The following PTPRZ1 variants were observed in gnomAD, a reference collection of about 807,000 sequenced individuals.
PTPRZ1 encodes protein tyrosine phosphatase receptor type Z1.
Under a neutral mutation model 214.1 loss-of-function variants are expected in PTPRZ1, and 82 were observed. That is an observed-to-expected ratio of 0.38 (90% CI 0.32 to 0.46). The LOEUF (loss-of-function observed/expected upper bound fraction) is 0.46, where lower values mean the gene tolerates loss of function less well. PTPRZ1 is among the 20% of genes least tolerant of loss of function. The pLI is 1.00. For missense variants in PTPRZ1, 2,603 were observed against 2,748.7 expected (o/e 0.95, Z 1.19); for synonymous variants, 945 against 987.9 (o/e 0.96, Z 0.81).
In PTPRZ1 at chr7:121,873,414, A is replaced by G; in HGVS notation, c.-86A>G. ...CACTGGAGGATTAAAACAAACAAAC[A>G]AAAAAAACATTTCCTTCGCTCCCCC... is the stretch of plus-strand genomic sequence containing the variant. On this transcript the variant is annotated 5_prime_UTR_variant, in exon 1 of 30. Transcript: ENST00000393386. 4 of 1,382,288 alleles carry G rather than the reference A, an allele frequency of 2.9e-6. No individual in the cohort carries two copies. The highest frequency in any genetic ancestry group is 1.4e-5 in the African/African-American group (1 of 69,828). 85.6% of individuals were successfully genotyped at this position (1,382,288 alleles called of 1,614,324 possible). A position where few individuals can be genotyped will look rare whatever the true frequency, so the allele number is the denominator to read the frequency against.
At chr7:122,025,748 AC>A (rs1318685678) in intron 13 of PTPRZ1, among the ~76,000 whole-genome samples, 1 of 152,154 alleles carries the variant, frequency 6.6e-6, no homozygotes, top group African/African-American at 2.4e-5. Context: ...CAGAGAAGAT[AC>A]CTCTGAGCTG....
chr7:122,027,152 C>T (rs761298510), intron 13 of PTPRZ1, among the ~76,000 whole-genome samples: 10 of 152,086 alleles, frequency 6.6e-5, no homozygotes, highest in South Asian at 2.1e-4. Flanking sequence ...TCAGAGGGAG[C>T]GGCATTTGGG....
rs558858843 is a variant in PTPRZ1 at position 122,047,803 on chromosome 7, A to T, written c.6084+3235A>T. The stretch of plus-strand genomic sequence containing the variant: ...GGCTAGGACTATAGTAAGTGTACAC[A>T]ACCACGCCTGGTTAATTTTTTAAAT... On this transcript the variant is annotated intron_variant, in intron 23 of 29. Transcript: ENST00000393386. Among the ~76,000 whole-genome samples, 38 of 152,014 alleles carry T rather than the reference A, an allele frequency of 2.5e-4. No individual in the cohort carries two copies. The South Asian group carries it at 7.9e-3, about 32-fold the overall frequency.
chr7:122,000,646 C>CATATATATATATAT (rs60953788), intron 10 of PTPRZ1, among the ~76,000 whole-genome samples: 6 of 51,696 alleles, frequency 1.2e-4, no homozygotes, highest in Admixed American at 2.7e-4. Context: ...TGATAGATTT[C>CATATATATATATAT]ATATATATAT....
At chr7:121,992,925 G>A (rs1008652157) in intron 8 of PTPRZ1, among the ~76,000 whole-genome samples, 1 of 152,070 alleles carries the variant, frequency 6.6e-6, no homozygotes, top group African/African-American at 2.4e-5. Flanking sequence ...TGTACTCTAC[G>A]TGACTTGACG....
At chr7:122,046,147 A>C (rs1791971841) in intron 23 of PTPRZ1, among the ~76,000 whole-genome samples, 1 of 152,204 alleles carries the variant, frequency 6.6e-6, no homozygotes, top group Non-Finnish European at 1.5e-5. Flanking sequence ...AAGAAAACAC[A>C]AACAGGCCAG....
chr7:121,978,597 C>G (rs545472443), intron 6 of PTPRZ1, among the ~76,000 whole-genome samples: 1 of 152,232 alleles, frequency 6.6e-6, no homozygotes, highest in African/African-American at 2.4e-5. Flanking sequence ...AAACTGCCCC[C>G]ATGATCCAAT....
intron 1 of PTPRZ1, among the ~76,000 whole-genome samples, chr7:121,923,357 A>G (rs140709637): frequency 8.0e-4 from 122 of 152,306 alleles, no homozygotes; most frequent in African/African-American, 2.9e-3. Context: ...AGTATCATCT[A>G]CCTTGAACAA....
At chr7:122,041,849 G>A (rs1799742532) in intron 21 of PTPRZ1, among the ~76,000 whole-genome samples, 1 of 152,134 alleles carries the variant, frequency 6.6e-6, no homozygotes, top group African/African-American at 2.4e-5. Flanking sequence ...TAATCTGTTA[G>A]CCTGATTATA....
chr7:122,020,828 CT>C (rs76417252), intron 13 of PTPRZ1, among the ~76,000 whole-genome samples: 117 of 116,620 alleles, frequency 1.0e-3, no homozygotes, highest in Admixed American at 1.1e-3. Context: ...GCCAAAGATT[CT>C]TTTTTTTTTT....
At chr7:121,883,100 G>T (rs888573783) in intron 1 of PTPRZ1, among the ~76,000 whole-genome samples, 2 of 152,130 alleles carry the variant, frequency 1.3e-5, no homozygotes, top group East Asian at 1.9e-4. Flanking sequence ...GAGGATGATC[G>T]CTTGAAACCT....
chr7:122,058,812 C>T lies in PTPRZ1; in HGVS notation c.6541C>T (p.Leu2181Phe). The T allele has an allele frequency of 6.2e-7, 1 of 1,605,652 alleles. No individual in the cohort carries two copies. Among genetic ancestry groups the T allele is most frequent in the South Asian group, 1.1e-5 (1 of 90,722 alleles). The change falls in exon 28 of 30, where the codon CTT (leucine) becomes TTT (phenylalanine). Residue 2181 changes from leucine (L) to phenylalanine (F), a missense_variant. Coordinates refer to ENST00000393386, the MANE Select transcript of PTPRZ1 (RefSeq NM_002851.3). ...TTTCTTGTTATAGGATGATTATGTA[C>T]TTGAAGTGAGGCACTTTCAGTGTCC... ...ILEATQDDYV[L>F]EVRHFQCPKW... is the part of the protein sequence containing the mutation.
chr7:122,036,791 A>G (rs1371654525), intron 18 of PTPRZ1, 109 bp downstream of exon 18: 2 of 688,144 alleles, frequency 2.9e-6, no homozygotes, highest in Non-Finnish European at 4.7e-6. Context: ...ATGTTATTCG[A>G]TAGAGAATAA....
intron 1 of PTPRZ1, among the ~76,000 whole-genome samples, chr7:121,927,183 A>G (rs1795790875): frequency 6.6e-6 from 1 of 152,254 alleles, no homozygotes; most frequent in South Asian, 2.1e-4. Context: ...TGAATGAATA[A>G]TGTTCTACAA....
chr7:121,963,996 A>T (rs1251571019), intron 2 of PTPRZ1, among the ~76,000 whole-genome samples: 1 of 152,196 alleles, frequency 6.6e-6, no homozygotes, highest in Non-Finnish European at 1.5e-5. Flanking sequence ...AAAGTTTAGT[A>T]GGGACTACTC....
intron 13 of PTPRZ1, among the ~76,000 whole-genome samples, chr7:122,020,349 G>C (rs879563577): frequency 5.9e-5 from 9 of 152,174 alleles, no homozygotes; most frequent in African/African-American, 1.9e-4. Flanking sequence ...TTACACAAAA[G>C]TGTATGCGTA....
intron 6 of PTPRZ1, 43 bp from the exon 7 acceptor site, chr7:121,983,622 C>A (rs775025468): frequency 3.2e-6 from 5 of 1,544,382 alleles, no homozygotes; most frequent in Non-Finnish European, 4.4e-6. Flanking sequence ...AGCTAAGTTC[C>A]AGTGTTGAGA....
Position 121,980,825 on chromosome 7 carries a change from G to A in PTPRZ1, c.620-2840G>A, listed in dbSNP as rs185318341. Among the ~76,000 whole-genome samples, 122 of 152,308 alleles carry A rather than the reference G, an allele frequency of 8.0e-4. 1 individual carries two copies. The highest frequency in any genetic ancestry group is 2.9e-3 in the African/African-American group (120 of 41,582). ...TAAGATCAGATAGTCTAGTCATTTC[G>A]TATTCTAATGTGGAAAGTGTGGTTA... On this transcript the variant is annotated intron_variant, in intron 6 of 29. Coordinates refer to ENST00000393386, the MANE Select transcript of PTPRZ1 (RefSeq NM_002851.3).
intron 1 of PTPRZ1, among the ~76,000 whole-genome samples, chr7:121,923,163 C>T (rs1795651359): frequency 6.6e-6 from 1 of 152,126 alleles, no homozygotes; most frequent in Non-Finnish European, 1.5e-5. Flanking sequence ...TTTCTTCTAC[C>T]TGGAACATTC....
Sources: gnomAD v4.1 joint callset for allele counts (sites outside exome capture counted in the v4.1 genomes callset) on GRCh38, gnomAD v4.1.1 for gene constraint, MANE v1.5 for transcripts, NCBI Gene and HGNC (gene_info 2026-07-23, HGNC 2026-07-21) for gene names.